Variants in PCDHGA3 observed in about 807,000 individuals in gnomAD.
The protein encoded by PCDHGA3 is protocadherin gamma-A3.
PCDHGA3 carries 40 observed loss-of-function variants against 58.5 expected under a neutral mutation model. The ratio of observed to expected loss-of-function variants is 0.68; its 90% CI spans 0.53 to 0.89. The LOEUF is 0.89. Among genes scored for constraint, PCDHGA3 ranks in the 40% least tolerant of loss-of-function variants. PCDHGA3 has a pLI of 0.00. For synonymous variants in PCDHGA3, 530 were observed against 525.7 expected, an observed-to-expected ratio of 1.01 and a Z score of -0.11; for missense variants, 1,223 against 1,195.9, an observed-to-expected ratio of 1.02 and a Z score of -0.33.
Position 141,371,530 on chromosome 5 carries a change from A to G in PCDHGA3, c.2424+25073A>G, listed in dbSNP as rs769779786. ...ACACATGATCTAGATTCTGGATTTAATGGAGAAATCCTATGCCAACTAAAA... is the reference window on the plus strand; with the variant it reads ...ACACATGATCTAGATTCTGGATTTAGTGGAGAAATCCTATGCCAACTAAAA... On this transcript the variant is annotated intron_variant, in intron 1 of 3. Transcript: ENST00000253812. The G allele has an allele frequency of 1.9e-6, 3 of 1,613,804 alleles. No individual in the cohort carries two copies. The Middle Eastern group carries it at 4.9e-4, about 266-fold the overall frequency.
At chr5:141,433,124 G>T in intron 1 of PCDHGA3, 5 of 1,614,136 alleles carry the variant, frequency 3.1e-6, no homozygotes, top group Non-Finnish European at 4.2e-6. Context: ...TGAAAAAAGC[G>T]AGCCCCTTTT....
chr5:141,483,013 A>C (rs2154579792), intron 1 of PCDHGA3, among the ~76,000 whole-genome samples: 1 of 152,106 alleles, frequency 6.6e-6, no homozygotes, highest in Middle Eastern at 3.4e-3. Flanking sequence ...TGAACCCGGG[A>C]GGCAGAGGTT....
intron 1 of PCDHGA3, among the ~76,000 whole-genome samples, chr5:141,381,542 G>T (rs1245817082): frequency 2.0e-5 from 3 of 152,172 alleles, no homozygotes; most frequent in African/African-American, 7.2e-5. Context: ...CTAGGATGAA[G>T]ACTTGAATTG....
At chr5:141,390,538 C>A in intron 1 of PCDHGA3, 1 of 518,310 alleles carries the variant, frequency 1.9e-6, no homozygotes, top group African/African-American at 1.9e-5. Flanking sequence ...GTTTTAACCA[C>A]AAAGTGAAAG....
intron 1 of PCDHGA3, among the ~76,000 whole-genome samples, chr5:141,381,244 C>G (rs554184818): frequency 6.6e-6 from 1 of 152,242 alleles, no homozygotes; most frequent in South Asian, 2.1e-4. Context: ...TCTCCAGGAC[C>G]TAGAAGAATT....
intron 1 of PCDHGA3, chr5:141,350,389 A>T (rs531444632): frequency 6.3e-7 from 1 of 1,596,640 alleles, no homozygotes; most frequent in South Asian, 1.1e-5. Context: ...CCAACGGCTC[A>T]CGGGTGGGGA....
intron 1 of PCDHGA3, among the ~76,000 whole-genome samples, chr5:141,436,713 G>C (rs2097842329): frequency 6.6e-6 from 1 of 152,308 alleles, no homozygotes; most frequent in East Asian, 1.9e-4. Flanking sequence ...TCGATGTTCT[G>C]TTGGGAAAAA....
intron 1 of PCDHGA3, chr5:141,403,850 G>T: frequency 6.2e-7 from 1 of 1,613,634 alleles, no homozygotes; most frequent in Non-Finnish European, 8.5e-7. Context: ...AAATACTGGG[G>T]AAATATCAAC....
chr5:141,375,150 T>G, intron 1 of PCDHGA3: 1 of 1,613,946 alleles, frequency 6.2e-7, no homozygotes, highest in Non-Finnish European at 8.5e-7. Context: ...AGCAGAACAA[T>G]TGCTGAAAGT....
At chr5:141,415,183 G>A (rs201831693) in intron 1 of PCDHGA3, 913 of 1,613,968 alleles carry the variant, frequency 5.7e-4, no homozygotes, top group Non-Finnish European at 5.1e-4. Flanking sequence ...GGCCGTGGCC[G>A]ACAGCATCCC....
Position 141,476,294 on chromosome 5 carries a change from A to G in PCDHGA3, c.2425-18513A>G. 6.2e-7 allele frequency: 1 copy of G among 1,613,036 alleles called. No homozygotes were observed. The highest frequency in any genetic ancestry group is 8.5e-7 in the Non-Finnish European group (1 of 1,179,642). On this transcript the variant is annotated intron_variant, in intron 1 of 3. Transcript: ENST00000253812. The surrounding 1 kb of genome is among the most constrained non-coding windows in gnomAD (Gnocchi z 7.6). ...CGCGAACCTTGGTTTGGATCTCGGT[A>G]GCCTCTCAGCCCGCAGGTTCCGGGT...
intron 3 of PCDHGA3, among the ~76,000 whole-genome samples, 193 bp downstream of exon 3, chr5:141,505,674 G>C (rs1482125302): frequency 6.6e-6 from 1 of 152,192 alleles, no homozygotes; most frequent in East Asian, 1.9e-4. Context: ...GGGGTTGGGG[G>C]TCCTGGGATG....
At chr5:141,463,493 G>C (rs2099061978) in intron 1 of PCDHGA3, among the ~76,000 whole-genome samples, 1 of 128,844 alleles carries the variant, frequency 7.8e-6, no homozygotes, top group Admixed American at 9.6e-5. Flanking sequence ...CTGTCACCCA[G>C]GCTGGAGTGA....
intron 1 of PCDHGA3, chr5:141,360,177 G>T (rs1278032016): frequency 1.9e-6 from 3 of 1,609,920 alleles, no homozygotes; most frequent in African/African-American, 2.7e-5. Context: ...TGCGGTGGCT[G>T]CAGGTACTGT....
intron 1 of PCDHGA3, among the ~76,000 whole-genome samples, chr5:141,492,341 C>T (rs2099739551): frequency 6.6e-6 from 1 of 152,222 alleles, no homozygotes; most frequent in East Asian, 1.9e-4. Flanking sequence ...CGAATACCAG[C>T]TTTCACTGCC....
rs1562157859 is a variant in PCDHGA3 at position 141,493,022 on chromosome 5, G to GTGCC, written c.2425-1784_2425-1781dup. Among the ~76,000 whole-genome samples, 2 of 152,222 alleles carry GTGCC rather than the reference G, an allele frequency of 1.3e-5. No homozygotes were observed. Among genetic ancestry groups the GTGCC allele is most frequent in the African/African-American group, 4.8e-5 (2 of 41,454 alleles). ...GCTATAGGCTCTGCCAGATGCCAGG[G>GTGCC]TGCCCTTATGTGTGAGGAAACTACA... On this transcript the variant is annotated intron_variant, in intron 1 of 3. Coordinates refer to ENST00000253812, the MANE Select transcript of PCDHGA3 (RefSeq NM_018916.4). The surrounding 1 kb of genome is among the most constrained non-coding windows in gnomAD (Gnocchi z 4.3).
intron 1 of PCDHGA3, chr5:141,375,948 A>G (rs773530247): frequency 2.5e-6 from 4 of 1,613,438 alleles, no homozygotes; most frequent in Non-Finnish European, 2.5e-6. Context: ...GTGGGCCTGC[A>G]CACGGGCGAG....
chr5:141,370,228 C>T (rs1172263446), intron 1 of PCDHGA3: 1 of 585,074 alleles, frequency 1.7e-6, no homozygotes, highest in Non-Finnish European at 2.8e-6. Flanking sequence ...CTGCAGCCAG[C>T]TCGGAAGAAA....
In PCDHGA3 at chr5:141,431,739, A is replaced by G; in HGVS notation, c.2425-63068A>G. 3.1e-6 allele frequency: 5 copies of G among 1,614,240 alleles called. No homozygotes were observed. Among genetic ancestry groups the G allele is most frequent in the Non-Finnish European group, 3.4e-6 (4 of 1,180,048 alleles). Reference sequence around the variant, plus strand: ...GTGCAAGCAATGGATAATGCAGGATATTCTGCGCGAGCCAAAGTCCTGATC... The same window carrying G: ...GTGCAAGCAATGGATAATGCAGGATGTTCTGCGCGAGCCAAAGTCCTGATC... On this transcript the variant is annotated intron_variant, in intron 1 of 3. Transcript: ENST00000253812. The surrounding 1 kb of genome is among the most constrained non-coding windows in gnomAD (Gnocchi z 4.8).
Sources: allele counts gnomAD v4.1 joint callset (sites outside exome capture counted in the v4.1 genomes callset), GRCh38; gene constraint gnomAD v4.1.1; non-coding constraint Gnocchi (gnomAD v3.1); transcripts MANE v1.5; gene names NCBI Gene and HGNC (gene_info 2026-07-23, HGNC 2026-07-21).